Variants in PZP observed in about 807,000 individuals in gnomAD.
PZP encodes pregnancy zone protein.
PZP carries 150 observed loss-of-function variants against 179.8 expected under a neutral mutation model. The observed-to-expected ratio is 0.83, with a 90% CI of 0.73 to 0.96. PZP has a LOEUF of 0.96. Among genes scored for constraint, PZP ranks in the 40% least tolerant of loss-of-function variants. PZP has a pLI of 0.00. For synonymous variants in PZP, 624 were observed against 652.3 expected (o/e 0.96, Z 0.66); for missense variants, 1,689 against 1,764.0 (o/e 0.96, Z 0.76).
chr12:9,160,065 G>C (rs573085623), intron 24 of PZP, 40 bp from the exon 25 acceptor site: 31 of 1,562,908 alleles, frequency 2.0e-5, no homozygotes, highest in Non-Finnish European at 2.7e-5. Context: ...AAGCATTAAA[G>C]AAAGGCAGGC....
At chr12:9,165,111 C>T in intron 19 of PZP, 28 bp downstream of exon 19, 2 of 1,604,526 alleles carry the variant, frequency 1.2e-6, no homozygotes, top group Non-Finnish European at 1.7e-6. Flanking sequence ...TTCTACCCAC[C>T]TTTCCTGTTC....
Position 9,165,324 on chromosome 12 carries a change from T to C in PZP, c.2302A>G (p.Ile768Val). ...AAGGCCCCTGCCTTCCACTCGGTGATGGTGTCAGGGACTGTTACTCCTACC... is the reference window on the plus strand; with the variant it reads ...AAGGCCCCTGCCTTCCACTCGGTGACGGTGTCAGGGACTGTTACTCCTACC... ...AEVGVTVPDTITEWKAGAFCL... is the reference protein window; with the variant it reads ...AEVGVTVPDTVTEWKAGAFCL... Residue 768 changes from isoleucine to valine, a missense_variant, in exon 19 of 36, where the codon ATC becomes GTC. By Grantham distance (29) the Ile-to-Val change is conservative. Transcript: ENST00000261336. 6.2e-7 allele frequency: 1 copy of C among 1,614,124 alleles called. No homozygotes were observed. Among genetic ancestry groups the C allele is most frequent in the African/African-American group, 1.3e-5 (1 of 75,022 alleles).
chr12:9,161,111 T>G lies in PZP; in HGVS notation c.2794A>C (p.Asn932His). Reference sequence around the variant, plus strand: ...TTCAAGGACAACTGCTCAGACACATTAGCACCTTTAGAAACAGACAGCCCA... The same window carrying G: ...TTCAAGGACAACTGCTCAGACACATGAGCACCTTTAGAAACAGACAGCCCA... ...FSSMTCASGA[N>H]VSEQLSLKLP... The change falls in exon 23 of 36, where the codon AAT (asparagine) becomes CAT (histidine). Residue 932 changes from asparagine (N) to histidine (H), a missense_variant. By Grantham distance (68) the Asn-to-His change is moderately conservative (BLOSUM62 1). Coordinates refer to ENST00000261336, the MANE Select transcript of PZP (RefSeq NM_002864.3). 1 of 1,571,900 alleles carries G rather than the reference T, an allele frequency of 6.4e-7. No homozygotes were observed. The highest frequency in any genetic ancestry group is 8.7e-7 in the Non-Finnish European group (1 of 1,148,254).
In PZP at chr12:9,170,796, T is replaced by A. The variant is rs1370096962; in HGVS notation, c.1840-1205A>T. ...CTCCTCATCGAGTGGGACCTTTCTG[T>A]GGGGGCTTCAGGTACTCCAGCCAGG... On this transcript the variant is annotated intron_variant, in intron 15 of 35. Coordinates refer to ENST00000261336, the MANE Select transcript of PZP (RefSeq NM_002864.3). The surrounding 1 kb of genome is among the most constrained non-coding windows in gnomAD (Gnocchi z 4.6). 6.6e-6 allele frequency among the ~76,000 whole-genome samples: 1 copy of A among 152,120 alleles called. No homozygotes were observed. Among genetic ancestry groups the A allele is most frequent in the African/African-American group, 2.4e-5 (1 of 41,438 alleles).
At chr12:9,208,139 C>A (rs1230564982) in intron 1 of PZP, 120 bp downstream of exon 1, 1 of 676,404 alleles carries the variant, frequency 1.5e-6, no homozygotes, top group Admixed American at 2.6e-5. Context: ...GGAATAATTT[C>A]TTATATTTGG....
chr12:9,146,453 A>G (rs555959513), downstream of PZP, among the ~76,000 whole-genome samples: 70 of 152,192 alleles, frequency 4.6e-4, 2 homozygotes, highest in African/African-American at 1.6e-3. Flanking sequence ...CTTTATGAGA[A>G]TTATTTTGAA....
intron 13 of PZP, among the ~76,000 whole-genome samples, chr12:9,187,231 C>A (rs1327428862): frequency 6.6e-6 from 1 of 152,042 alleles, no homozygotes; most frequent in Non-Finnish European, 1.5e-5. Flanking sequence ...CTCAGACTCC[C>A]ACACAATAAT....
intron 13 of PZP, among the ~76,000 whole-genome samples, chr12:9,185,499 T>C (rs761001297): frequency 6.6e-4 from 100 of 152,292 alleles, no homozygotes; most frequent in Admixed American, 1.5e-3. Context: ...TGAAAGCAAC[T>C]TGGAAAACAT....
At chr12:9,205,702 A>G (rs4883221) in intron 1 of PZP, among the ~76,000 whole-genome samples, 25,403 of 152,156 alleles carry the variant, frequency 0.17, 2,293 homozygotes, top group East Asian at 0.27. Flanking sequence ...TTATTTTCTT[A>G]TATTATTTTA....
At position 9,170,802 on chromosome 12, in the gene PZP, C is replaced by A. The variant is rs1277161040; in HGVS notation, c.1840-1211G>T. Among the ~76,000 whole-genome samples the A allele has an allele frequency of 6.6e-6, 1 of 152,166 alleles. No homozygotes were observed. Among genetic ancestry groups the A allele is most frequent in the Non-Finnish European group, 1.5e-5 (1 of 68,020 alleles). ...ATCGAGTGGGACCTTTCTGTGGGGG[C>A]TTCAGGTACTCCAGCCAGGGTTCTA... On this transcript the variant is annotated intron_variant, in intron 15 of 35. Coordinates refer to ENST00000261336, the MANE Select transcript of PZP (RefSeq NM_002864.3). This position sits in a 1 kb window ranked among gnomAD's most constrained non-coding sequence, Gnocchi z 4.6.
intron 16 of PZP, among the ~76,000 whole-genome samples, chr12:9,169,176 G>C (rs750168111): frequency 0.015 from 1,392 of 94,952 alleles, 27 homozygotes; most frequent in African/African-American, 0.041. Flanking sequence ...TTTTTGGTTT[G>C]CAAATAAAAA....
intron 13 of PZP, among the ~76,000 whole-genome samples, chr12:9,189,956 TCA>T (rs1255995315): frequency 3.9e-5 from 6 of 152,022 alleles, no homozygotes; most frequent in Non-Finnish European, 5.9e-5. Flanking sequence ...TCATCTCACA[TCA>T]GTCAGAATGG....
At chr12:9,206,207 A>C (rs1335007212) in intron 1 of PZP, among the ~76,000 whole-genome samples, 1 of 151,858 alleles carries the variant, frequency 6.6e-6, no homozygotes, top group Non-Finnish European at 1.5e-5. Flanking sequence ...CATCCCCATC[A>C]AAAAATTTTT....
At position 9,157,799 on chromosome 12, in the gene PZP, T is replaced by C. The variant is rs772323573; in HGVS notation, c.3337A>G (p.Ile1113Val). ...GGGAGAGGAATTTCCAGAAGGGCAATAGTAACATAGGCGGAGAGGGTCGCT... is the reference window on the plus strand; with the variant it reads ...GGGAGAGGAATTTCCAGAAGGGCAACAGTAACATAGGCGGAGAGGGTCGCT... The part of the protein sequence containing the change: ...DEATLSAYVT[I>V]ALLEIPLPVT... The change falls in exon 27 of 36, where the codon ATT (isoleucine) becomes GTT (valine). Residue 1113 changes from isoleucine to valine, a missense_variant. Transcript: ENST00000261336. 6 of 1,614,058 alleles carry C rather than the reference T, an allele frequency of 3.7e-6. No homozygotes were observed. The South Asian group carries it at 6.6e-5, about 18-fold the overall frequency.
chr12:9,201,090 A>G (rs980005318), intron 5 of PZP, 30 bp from the exon 6 acceptor site: 1 of 1,612,144 alleles, frequency 6.2e-7, no homozygotes, highest in Non-Finnish European at 8.5e-7. Flanking sequence ...ATGGGCGGTA[A>G]TCATTTAGTC....
chr12:9,169,602 G>A lies in PZP; in HGVS notation c.1840-11C>T. 6.3e-7 allele frequency: 1 copy of A among 1,581,670 alleles called. No individual in the cohort carries two copies. ...TAGCAGATTATATACCTGTAGCAGTGGGGGGATCAAAGGCAGAACTGTTAC... is the reference window on the plus strand; with the variant it reads ...TAGCAGATTATATACCTGTAGCAGTAGGGGGATCAAAGGCAGAACTGTTAC... On this transcript the variant is annotated splice_polypyrimidine_tract_variant and intron_variant, in intron 15 of 35. Coordinates refer to ENST00000261336, the MANE Select transcript of PZP (RefSeq NM_002864.3).
In PZP at chr12:9,166,214, GAA is replaced by G; in HGVS notation, c.2108-14_2108-13del. On this transcript the variant is annotated splice_polypyrimidine_tract_variant and intron_variant, in intron 17 of 35. Coordinates refer to ENST00000261336, the MANE Select transcript of PZP (RefSeq NM_002864.3). ...TACTCCTAGACCTGCTAAAGTAAGA[GAA>G]AATTGTCTAGTTAGGGAAAAACATT... 1 of 1,607,432 alleles carries G rather than the reference GAA, an allele frequency of 6.2e-7. No homozygotes were observed. Among genetic ancestry groups the G allele is most frequent in the Non-Finnish European group, 8.5e-7 (1 of 1,178,354 alleles).
chr12:9,192,534 G>A lies in PZP; in HGVS notation c.1460C>T (p.Ser487Leu), dbSNP rs368845114. Residue 487 changes from serine (S) to leucine (L), a missense_variant, in exon 12 of 36, where the codon TCG becomes TTG. By Grantham distance (145) the Ser-to-Leu change is moderately radical. Around this residue, in one of 3 missense-constraint regions of PZP, gnomAD observed 742 missense variants for 730.5 expected, o/e 1.02. Coordinates refer to ENST00000261336, the MANE Select transcript of PZP (RefSeq NM_002864.3). ...TLNRQAMGEL[S>L]ELSFHYLIMA... ...TACCAGGTAATGGAAACTGAGCTCCGATAACTCTCCCATGGCCTGTCTATT... is the reference window on the plus strand; with the variant it reads ...TACCAGGTAATGGAAACTGAGCTCCAATAACTCTCCCATGGCCTGTCTATT... The A allele has an allele frequency of 2.7e-5, 44 of 1,613,478 alleles. No homozygotes were observed. The highest frequency in any genetic ancestry group is 1.7e-4 in the Admixed American group (10 of 59,978).
chr12:9,153,007 C>T, intron 30 of PZP, 56 bp from the exon 31 acceptor site: 1 of 1,612,042 alleles, frequency 6.2e-7, no homozygotes, highest in Non-Finnish European at 8.5e-7. Flanking sequence ...CCCTCACTTC[C>T]TCATTACTTA....
Sources: gnomAD v4.1 joint callset for allele counts (sites outside exome capture counted in the v4.1 genomes callset) on GRCh38, gnomAD v4.1.1 for gene constraint, gnomAD v4.1.1 regional missense constraint, Gnocchi (gnomAD v3.1) non-coding constraint, MANE v1.5 for transcripts, NCBI Gene and HGNC (gene_info 2026-07-23, HGNC 2026-07-21) for gene names.